Variants in KIF21A observed in about 807,000 individuals in gnomAD.
KIF21A encodes the protein kinesin family member 21A, also known as kinesin-like protein KIF21A.
In KIF21A, 114 loss-of-function variants were observed where a neutral mutation model predicts 202.9. The ratio of observed to expected loss-of-function variants is 0.56; its 90% CI spans 0.48 to 0.66. KIF21A has a LOEUF of 0.66. Among genes scored for constraint, KIF21A ranks in the 30% least tolerant of loss-of-function variants. The pLI is 0.00. For missense variants in KIF21A, 1,677 were observed against 1,994.9 expected (o/e 0.84, Z 3.04); for synonymous variants, 667 against 670.8 (o/e 0.99, Z 0.09).
chr12:39,370,002 A>G, intron 2 of KIF21A, 37 bp downstream of exon 2: 1 of 1,597,120 alleles, frequency 6.3e-7, no homozygotes, highest in Non-Finnish European at 8.6e-7. Flanking sequence ...ACATTTCTGA[A>G]AAGTTTCAAC....
intron 26 of KIF21A, among the ~76,000 whole-genome samples, chr12:39,325,498 A>ATTTTTTTTTTTTTTTTTT (rs397714587): frequency 2.7e-4 from 33 of 121,422 alleles, no homozygotes; most frequent in African/African-American, 5.9e-4. Flanking sequence ...CGCCCAGCTA[A>ATTTTTTTTTTTTTTTTTT]TTTTTTTTTT....
rs1414794254 is a variant in KIF21A at position 39,356,673 on chromosome 12, G to T, written c.1469+159C>A. On this transcript the variant is annotated intron_variant, in intron 10 of 37. Transcript: ENST00000361418. Reference sequence around the variant, plus strand: ...AACAGCTTGGAATATGACATCAAGGGAAAGGTAAGTAAAGAATCTCCTAAA... The same window carrying T: ...AACAGCTTGGAATATGACATCAAGGTAAAGGTAAGTAAAGAATCTCCTAAA... The T allele has an allele frequency of 7.9e-6, 4 of 508,666 alleles. No individual in the cohort carries two copies. In the African/African-American group the frequency reaches 7.9e-5, roughly 10 times the overall value. 31.5% of individuals were successfully genotyped at this position (508,666 alleles called of 1,614,324 possible).
chr12:39,391,358 G>A lies in KIF21A; in HGVS notation c.45-21097C>T, dbSNP rs185205058. 5.8e-4 allele frequency among the ~76,000 whole-genome samples: 88 copies of A among 152,054 alleles called. 1 individual carries two copies. The highest frequency in any genetic ancestry group is 5.8e-3 in the Admixed American group (88 of 15,270). On this transcript the variant is annotated intron_variant, in intron 1 of 37. Coordinates refer to ENST00000361418, the MANE Select transcript of KIF21A (RefSeq NM_001173464.2). ...GATAGCTACAGTTCAGTTGACAAGCGATACTATCTATCTAAATGGGTTTTA... is the reference window on the plus strand; with the variant it reads ...GATAGCTACAGTTCAGTTGACAAGCAATACTATCTATCTAAATGGGTTTTA...
chr12:39,357,584 T>C (rs914872602), intron 8 of KIF21A, 147 bp from the exon 9 acceptor site: 10 of 703,314 alleles, frequency 1.4e-5, no homozygotes, highest in Admixed American at 4.2e-5. Context: ...CTTTCACCTC[T>C]AGTAGAACAC....
intron 1 of KIF21A, among the ~76,000 whole-genome samples, chr12:39,393,144 T>C (rs1262233450): frequency 2.6e-5 from 4 of 151,978 alleles, no homozygotes; most frequent in Middle Eastern, 3.4e-3. Context: ...CCTAACCTTG[T>C]CAGCTGTCTC....
chr12:39,306,793 G>A (rs1442190543), intron 34 of KIF21A, among the ~76,000 whole-genome samples: 2 of 152,192 alleles, frequency 1.3e-5, no homozygotes, highest in Non-Finnish European at 2.9e-5. Flanking sequence ...GGCTTAGGTG[G>A]CAAGAGCATT....
intron 34 of KIF21A, among the ~76,000 whole-genome samples, chr12:39,305,368 G>GAAAA (rs539400060): frequency 3.8e-5 from 3 of 78,674 alleles, no homozygotes; most frequent in African/African-American, 3.9e-5. Flanking sequence ...TCCGACTCAA[G>GAAAA]AAAAAAAAAA....
At chr12:39,428,882 G>A (rs958981503) in intron 1 of KIF21A, among the ~76,000 whole-genome samples, 4 of 151,552 alleles carry the variant, frequency 2.6e-5, no homozygotes, top group South Asian at 2.1e-4. Context: ...CACTTGAACC[G>A]GGGAGTCAGA....
chr12:39,337,545 G>GA (rs1244325163), intron 16 of KIF21A: 1 of 243,702 alleles, frequency 4.1e-6, no homozygotes, highest in African/African-American at 2.3e-5. Context: ...CTATAAAATG[G>GA]AAATAATATT....
intron 1 of KIF21A, among the ~76,000 whole-genome samples, chr12:39,380,869 T>C (rs1202142798): frequency 6.6e-6 from 1 of 152,238 alleles, no homozygotes; most frequent in Non-Finnish European, 1.5e-5. Flanking sequence ...TAGCATCTTC[T>C]ATTTTTTTCT....
chr12:39,330,744 A>ACCTTGTAAAGCATGG lies in KIF21A; in HGVS notation c.3306_3319+1dup, dbSNP rs752493032. The ACCTTGTAAAGCATGG allele has an allele frequency of 5.0e-5, 81 of 1,613,772 alleles. No homozygotes were observed. Among genetic ancestry groups the ACCTTGTAAAGCATGG allele is most frequent in the Non-Finnish European group, 5.5e-5 (65 of 1,179,770 alleles). On this transcript the variant is annotated splice_donor_variant, in intron 23 of 37. Transcript: ENST00000361418. LOFTEE classifies it high-confidence loss of function. ...ATTCAACTAAAATTGAGAGCAAATTACCTTGTAAAGCATGGCCTAGTAAAG... is the reference window on the plus strand; with the variant it reads ...ATTCAACTAAAATTGAGAGCAAATTACCTTGTAAAGCATGGCCTTGTAAAGCATGGCCTAGTAAAG...
At chr12:39,326,011 C>T in intron 25 of KIF21A, 118 bp from the exon 26 acceptor site, 1 of 747,250 alleles carries the variant, frequency 1.3e-6, no homozygotes, top group African/African-American at 1.8e-5. Flanking sequence ...TACAGAAAGA[C>T]AATATTTAAA....
intron 6 of KIF21A, among the ~76,000 whole-genome samples, chr12:39,365,045 A>C (rs1185189411): frequency 6.6e-6 from 1 of 152,276 alleles, no homozygotes; most frequent in East Asian, 1.9e-4. Context: ...GCACCAGCTG[A>C]CACCATGCAG....
intron 9 of KIF21A, 23 bp downstream of exon 9, chr12:39,357,225 C>G (rs529331849): frequency 1.9e-6 from 3 of 1,610,504 alleles, no homozygotes; most frequent in Admixed American, 3.3e-5. Context: ...TAATCCCTCA[C>G]TTATCCCACC....
chr12:39,358,184 G>T lies in KIF21A; in HGVS notation c.1209C>A (p.Tyr403Ter). 1 of 1,613,754 alleles carries T rather than the reference G, an allele frequency of 6.2e-7. No individual in the cohort carries two copies. The highest frequency in any genetic ancestry group is 2.2e-5 in the East Asian group (1 of 44,852). ...GTCAAACTCATTAGCTTACTGTTTT[G>T]TACTCCATGAGCTCCATCTGAAGTC... ...ITRLQMELMEYKTGKRIIDEE... is the reference protein window; with the variant it reads ...ITRLQMELME Residue 403 changes from tyrosine to a stop codon, truncating the protein, a stop_gained, in exon 8 of 38, where the codon TAC becomes TAA. Coordinates refer to ENST00000361418, the MANE Select transcript of KIF21A (RefSeq NM_001173464.2). LOFTEE classifies it high-confidence loss of function.
At chr12:39,336,208 G>T (rs965910292) in intron 17 of KIF21A, among the ~76,000 whole-genome samples, 1 of 151,942 alleles carries the variant, frequency 6.6e-6, no homozygotes, top group Admixed American at 6.6e-5. Context: ...ACAAGCATGA[G>T]CCACTGCACC....
intron 21 of KIF21A, 159 bp downstream of exon 21, chr12:39,332,055 T>A (rs1206438893): frequency 1.4e-6 from 1 of 718,552 alleles, no homozygotes; most frequent in African/African-American, 1.8e-5. Context: ...CAGAGAAATC[T>A]GAAAAGCAAG....
intron 1 of KIF21A, among the ~76,000 whole-genome samples, chr12:39,384,499 C>T (rs1208569875): frequency 6.6e-6 from 1 of 152,154 alleles, no homozygotes; most frequent in Non-Finnish European, 1.5e-5. Context: ...TCCCACTCCC[C>T]CATTCTTGGA....
rs139839442 is a variant in KIF21A at position 39,332,699 on chromosome 12, G to A, written c.2748C>T (p.Ser916=). 22 of 1,613,804 alleles carry A rather than the reference G, an allele frequency of 1.4e-5. No individual in the cohort carries two copies. The African/African-American group carries it at 2.4e-4, about 18-fold the overall frequency. Residue 916 remains serine (S), a synonymous_variant, in exon 20 of 38, where the codon TCC becomes TCT. Transcript: ENST00000361418. ...GCTGCCACTTCATGCGAGCTGTCTTGGAAATAAACACTCGGCCAGTCAATC... is the reference window on the plus strand; with the variant it reads ...GCTGCCACTTCATGCGAGCTGTCTTAGAAATAAACACTCGGCCAGTCAATC... ...RKGLTGRVFI[S]KTARMKWQLL...
Sources: allele counts gnomAD v4.1 joint callset (sites outside exome capture counted in the v4.1 genomes callset), GRCh38; gene constraint gnomAD v4.1.1; transcripts MANE v1.5; gene names NCBI Gene and HGNC (gene_info 2026-07-23, HGNC 2026-07-21).